Variants in EMB observed in about 807,000 individuals in gnomAD.
The protein encoded by EMB is embigin homolog.
Under a neutral mutation model 41.4 loss-of-function variants are expected in EMB, and 31 were observed. The observed-to-expected ratio is 0.75, with a 90% CI of 0.56 to 1.01. The LOEUF is 1.01. Ranked by LOEUF, EMB falls within the 50% of genes least tolerant of loss-of-function variation. The pLI, the probability that EMB is intolerant of heterozygous loss-of-function variation, is 0.00. For synonymous variants in EMB, 137 were observed against 140.4 expected (o/e 0.98, Z 0.17); for missense variants, 379 against 388.3 (o/e 0.98, Z 0.20).
intron 7 of EMB, among the ~76,000 whole-genome samples, chr5:50,401,846 C>A (rs1282380167): frequency 1.3e-5 from 2 of 151,934 alleles, no homozygotes; most frequent in Admixed American, 1.3e-4. Flanking sequence ...GGAGATTCAG[C>A]AAGGTCTGAG....
chr5:50,423,044 G>C (rs1360353920), intron 2 of EMB, among the ~76,000 whole-genome samples: 1 of 151,124 alleles, frequency 6.6e-6, no homozygotes, highest in African/African-American at 2.4e-5. Context: ...GCCAACTAGG[G>C]TCCATTAGGA....
intron 1 of EMB, among the ~76,000 whole-genome samples, chr5:50,432,636 T>A (rs1054351711): frequency 8.7e-5 from 13 of 149,788 alleles, no homozygotes; most frequent in African/African-American, 3.2e-4. Flanking sequence ...AGGAGCAGAG[T>A]AGCCCTATCC....
intron 2 of EMB, among the ~76,000 whole-genome samples, chr5:50,414,056 G>A (rs1745388377): frequency 1.3e-5 from 2 of 152,096 alleles, no homozygotes; most frequent in South Asian, 4.1e-4. Flanking sequence ...GAAAGTGACT[G>A]CATAAAAATC....
intron 2 of EMB, among the ~76,000 whole-genome samples, chr5:50,412,166 GAGA>G (rs1232286834): frequency 2.6e-5 from 4 of 151,894 alleles, no homozygotes; most frequent in African/African-American, 9.7e-5. Context: ...CAGGTGGGAA[GAGA>G]AGGAGCTAAC....
Position 50,403,257 on chromosome 5 carries a change from T to C in EMB, c.798A>G (p.Val266=), listed in dbSNP as rs140866089. Residue 266 remains valine, a synonymous_variant, in exon 6 of 9, where the codon GTA becomes GTG. Coordinates refer to ENST00000303221, the MANE Select transcript of EMB (RefSeq NM_198449.3). ...SYLVPLKPFL[V]IVAEVILLVA... is the part of the protein sequence containing the mutation. ...CTAAAAGAATCACCTCAGCCACTAT[T>C]ACAAGAAATGGTTTGAGGGGCACCA... The C allele has an allele frequency of 2.7e-5, 44 of 1,612,566 alleles. No individual in the cohort carries two copies. The African/African-American group carries it at 4.5e-4, about 17-fold the overall frequency.
chr5:50,439,322 C>CT (rs553132326), intron 1 of EMB, among the ~76,000 whole-genome samples: 2,139 of 150,722 alleles, frequency 0.014, 48 homozygotes, highest in African/African-American at 0.048. Context: ...CTTTTTCTTT[C>CT]TTTTTTTTTG....
At chr5:50,425,244 A>G (rs1407590646) in intron 2 of EMB, among the ~76,000 whole-genome samples, 2 of 152,158 alleles carry the variant, frequency 1.3e-5, no homozygotes, top group Non-Finnish European at 2.9e-5. Flanking sequence ...CCCGAATCTT[A>G]CATTGTGCCT....
intron 2 of EMB, among the ~76,000 whole-genome samples, chr5:50,413,882 A>C (rs1324893520): frequency 6.6e-6 from 1 of 152,040 alleles, no homozygotes; most frequent in Admixed American, 6.6e-5. Flanking sequence ...TCAATAGACA[A>C]ATTTTAAAAG....
At chr5:50,428,880 A>ATTTATTTTTATT (rs1194386847) in intron 1 of EMB, among the ~76,000 whole-genome samples, 23 of 151,410 alleles carry the variant, frequency 1.5e-4, no homozygotes, top group African/African-American at 5.6e-4. Context: ...TATTTATTTT[A>ATTTATTTTTATT]TTTATTTTTA....
intron 2 of EMB, among the ~76,000 whole-genome samples, chr5:50,422,687 T>C (rs79046364): frequency 6.6e-6 from 1 of 152,196 alleles, no homozygotes; most frequent in Non-Finnish European, 1.5e-5. Flanking sequence ...ATGAAACTTC[T>C]TCACAACTAA....
At chr5:50,410,353 C>A (rs534530895) in intron 4 of EMB, among the ~76,000 whole-genome samples, 1 of 152,066 alleles carries the variant, frequency 6.6e-6, no homozygotes, top group Admixed American at 6.6e-5. Context: ...TGTTTCCAAG[C>A]AAAAGAAATG....
chr5:50,396,414 GTATATT>G lies in EMB; in HGVS notation c.*2853_*2858del, dbSNP rs1170710313. On this transcript the variant is annotated 3_prime_UTR_variant, in exon 9 of 9. Transcript: ENST00000303221. ...TAATCCAAGAGAGAGACCAACAAAT[GTATATT>G]TATAACACAGAGTAATAAACACAAA... is the stretch of plus-strand genomic sequence containing the variant. 2.0e-5 allele frequency: 3 copies of G among 152,108 alleles called. No individual in the cohort carries two copies. The East Asian group carries it at 5.8e-4, about 29-fold the overall frequency. 9.4% of individuals were successfully genotyped at this position (152,108 alleles called of 1,614,324 possible).
At chr5:50,428,443 A>G in intron 1 of EMB, 4 of 1,187,714 alleles carry the variant, frequency 3.4e-6, no homozygotes, top group Non-Finnish European at 4.2e-6. Flanking sequence ...TAACCTAAAA[A>G]TCCCTACTGA....
chr5:50,411,044 A>G (rs1020442304), intron 3 of EMB, 79 bp from the exon 4 acceptor site: 2 of 1,243,968 alleles, frequency 1.6e-6, no homozygotes, highest in African/African-American at 3.1e-5. Context: ...CCATTAATAA[A>G]AATTTAAAAA....
intron 7 of EMB, among the ~76,000 whole-genome samples, chr5:50,401,805 C>T (rs981378450): frequency 2.0e-5 from 3 of 152,024 alleles, no homozygotes; most frequent in African/African-American, 7.2e-5. Context: ...ATAACAGATG[C>T]CATAGCCCCA....
At chr5:50,441,932 T>A (rs1459136550), upstream of EMB, among the ~76,000 whole-genome samples, 2 of 152,100 alleles carry the variant, frequency 1.3e-5, no homozygotes, top group Non-Finnish European at 2.9e-5. Flanking sequence ...TTGACCTTTG[T>A]TAAATCCGAA....
intron 1 of EMB, chr5:50,428,844 C>T (rs112779471): frequency 2.1e-5 from 8 of 384,776 alleles, no homozygotes; most frequent in African/African-American, 1.5e-4. Context: ...CTATTTCCAC[C>T]TCTCTCACTC....
intron 2 of EMB, among the ~76,000 whole-genome samples, chr5:50,420,327 A>G (rs1356734642): frequency 6.6e-6 from 1 of 152,210 alleles, no homozygotes; most frequent in East Asian, 1.9e-4. Context: ...GAATTTCTCC[A>G]AACTGCAGGT....
intron 4 of EMB, among the ~76,000 whole-genome samples, chr5:50,408,245 A>G (rs1219418182): frequency 1.5e-5 from 2 of 133,736 alleles, no homozygotes; most frequent in African/African-American, 5.3e-5. Context: ...CTACTAAGAG[A>G]TTTTAACACT....
Sources: gnomAD v4.1 joint callset for allele counts (sites outside exome capture counted in the v4.1 genomes callset) on GRCh38, gnomAD v4.1.1 for gene constraint, MANE v1.5 for transcripts, NCBI Gene and HGNC (gene_info 2026-07-23, HGNC 2026-07-21) for gene names.